Variants in ROBO1 observed in about 807,000 individuals in gnomAD.
ROBO1 encodes the protein roundabout homolog 1.
Under a neutral mutation model 195.9 loss-of-function variants are expected in ROBO1, and 149 were observed. The observed-to-expected ratio is 0.76, with a 90% CI of 0.67 to 0.87. The LOEUF (loss-of-function observed/expected upper bound fraction) is 0.87. Ranked by LOEUF, ROBO1 falls within the 40% of genes least tolerant of loss-of-function variation. ROBO1 has a pLI of 0.00. For synonymous variants in ROBO1, 816 were observed against 733.2 expected (o/e 1.11, Z -1.82); for missense variants, 1,933 against 2,068.3 (o/e 0.93, Z 1.27).
chr3:79,610,222 C>A (rs1313780840), intron 1 of ROBO1, among the ~76,000 whole-genome samples: 1 of 151,784 alleles, frequency 6.6e-6, no homozygotes, highest in African/African-American at 2.4e-5. Context: ...TAGTACTGAA[C>A]CTTAAATATG....
At chr3:78,645,728 A>G (rs1243491153) in intron 21 of ROBO1, among the ~76,000 whole-genome samples, 1 of 152,140 alleles carries the variant, frequency 6.6e-6, no homozygotes, top group African/African-American at 2.4e-5. Context: ...TGTTGAATTC[A>G]TAACAAGAAT....
rs1940791437 is a variant in ROBO1 at position 79,513,158 on chromosome 3, G to GAAGTGT, written c.88+76660_88+76665dup. Reference sequence around the variant, plus strand: ...CAAACAAACCAACAGTATATTTAATGAAGTGTAGGAAGCCATTTTTAACTG... The same window carrying GAAGTGT: ...CAAACAAACCAACAGTATATTTAATGAAGTGTAAGTGTAGGAAGCCATTTTTAACTG... On this transcript the variant is annotated intron_variant, in intron 2 of 30. Coordinates refer to ENST00000464233, the MANE Select transcript of ROBO1 (RefSeq NM_002941.4). 2.0e-5 allele frequency among the ~76,000 whole-genome samples: 3 copies of GAAGTGT among 152,220 alleles called. No individual in the cohort carries two copies. In the South Asian group the frequency reaches 6.2e-4, roughly 32 times the overall value.
rs181305103 is a variant in ROBO1, at chr3:79,346,979, A to T, written c.89-221440T>A. Among the ~76,000 whole-genome samples, 492 of 152,172 alleles carry T rather than the reference A, an allele frequency of 3.2e-3. 4 individuals carry two copies. Among genetic ancestry groups the T allele is most frequent in the Middle Eastern group, 0.01 (3 of 294 alleles). ...CACAGTCAAAATATTCAATTTAATG[A>T]TAACCTTTTTGGAGTTCATAATATG... is the stretch of plus-strand genomic sequence containing the variant. On this transcript the variant is annotated intron_variant, in intron 2 of 30. Coordinates refer to ENST00000464233, the MANE Select transcript of ROBO1 (RefSeq NM_002941.4).
Position 78,935,237 on chromosome 3 carries a change from C to A in ROBO1, c.499+3364G>T, listed in dbSNP as rs548534264. On this transcript the variant is annotated intron_variant, in intron 4 of 30. Coordinates refer to ENST00000464233, the MANE Select transcript of ROBO1 (RefSeq NM_002941.4). ...TACACTTTTAGGAAAAATAGTTCTT[C>A]TATGGTTTTGCTGCTAAGATAGCCA... 3.0e-4 allele frequency among the ~76,000 whole-genome samples: 46 copies of A among 152,096 alleles called. 1 individual carries two copies. The South Asian group carries it at 9.3e-3, about 31-fold the overall frequency.
At chr3:79,489,733 TACAG>T (rs1274035316) in intron 2 of ROBO1, among the ~76,000 whole-genome samples, 2 of 151,390 alleles carry the variant, frequency 1.3e-5, no homozygotes, top group Non-Finnish European at 2.9e-5. Flanking sequence ...ACAAACACCA[TACAG>T]ACAAACAAAA....
At chr3:79,199,266 A>G (rs984602493) in intron 2 of ROBO1, among the ~76,000 whole-genome samples, 1 of 151,840 alleles carries the variant, frequency 6.6e-6, no homozygotes, top group African/African-American at 2.4e-5. Context: ...AGATATTACA[A>G]CATGCTCAAA....
chr3:79,150,679 A>G (rs2080749315), intron 2 of ROBO1, among the ~76,000 whole-genome samples: 2 of 151,872 alleles, frequency 1.3e-5, no homozygotes, highest in Admixed American at 6.6e-5. Context: ...TAAAAAGTAA[A>G]GTATAAATAT....
At position 78,667,933 on chromosome 3, in the gene ROBO1, G is replaced by A. The variant is rs1271835237; in HGVS notation, c.1916C>T (p.Ala639Val). 4.3e-6 allele frequency: 7 copies of A among 1,613,732 alleles called. No homozygotes were observed. Among genetic ancestry groups the A allele is most frequent in the Non-Finnish European group, 5.9e-6 (7 of 1,179,750 alleles). ...IYLFLVRAAN[A>V]YGISDPSQIS... ...TTGGCTTGGATCACTAATTCCATATGCATTAGCTGCCCTCACAAGGAAAAG... is the reference window on the plus strand; with the variant it reads ...TTGGCTTGGATCACTAATTCCATATACATTAGCTGCCCTCACAAGGAAAAG... The change falls in exon 14 of 31, where the codon GCA (alanine) becomes GTA (valine). Residue 639 changes from alanine to valine, a missense_variant. Physicochemically the swap from Ala to Val is moderately conservative, Grantham distance 64. This residue lies in a region of ROBO1 where 1,737 missense variants were observed against 1,882.5 expected (regional missense o/e 0.92). Coordinates refer to ENST00000464233, the MANE Select transcript of ROBO1 (RefSeq NM_002941.4).
At chr3:79,527,345 A>T (rs908775806) in intron 2 of ROBO1, among the ~76,000 whole-genome samples, 2 of 152,190 alleles carry the variant, frequency 1.3e-5, no homozygotes, top group Non-Finnish European at 2.9e-5. Flanking sequence ...TTACTAGGAT[A>T]ACCCCAAATA....
chr3:78,714,609 A>G (rs2081854443), intron 7 of ROBO1, 85 bp from the exon 8 acceptor site: 6 of 1,225,656 alleles, frequency 4.9e-6, no homozygotes, highest in Non-Finnish European at 6.7e-6. Flanking sequence ...TTCAAAGCAC[A>G]TGCTACATTC....
At chr3:79,577,161 T>C (rs1943513817) in intron 2 of ROBO1, among the ~76,000 whole-genome samples, 1 of 152,200 alleles carries the variant, frequency 6.6e-6, no homozygotes, top group Non-Finnish European at 1.5e-5. Flanking sequence ...AAAATGTTAT[T>C]TGTAATGTTG....
chr3:79,612,657 G>C (rs1311003226), intron 1 of ROBO1, among the ~76,000 whole-genome samples: 4 of 144,318 alleles, frequency 2.8e-5, no homozygotes, highest in Non-Finnish European at 6.1e-5. Flanking sequence ...CAGTGTAAAA[G>C]TGTTCCTATT....
intron 3 of ROBO1, chr3:79,019,291 C>T: frequency 1.0e-6 from 1 of 985,788 alleles, no homozygotes; most frequent in Non-Finnish European, 1.2e-6. Flanking sequence ...ACCCCTGGCT[C>T]GTGGAAGCTG....
At chr3:78,683,196 G>A (rs1445290001) in intron 10 of ROBO1, among the ~76,000 whole-genome samples, 1 of 151,896 alleles carries the variant, frequency 6.6e-6, no homozygotes, top group Non-Finnish European at 1.5e-5. Context: ...ACCAAAATAT[G>A]TGCAAAGCCT....
At chr3:78,655,109 A>G (rs1199243453) in intron 18 of ROBO1, among the ~76,000 whole-genome samples, 1 of 151,954 alleles carries the variant, frequency 6.6e-6, no homozygotes, top group Non-Finnish European at 1.5e-5. Context: ...TTCTATATAT[A>G]ATCATTGGTT....
intron 2 of ROBO1, among the ~76,000 whole-genome samples, chr3:79,502,328 G>A (rs904128379): frequency 2.0e-5 from 3 of 152,160 alleles, no homozygotes. Context: ...GTGGGCGGGG[G>A]CTCGGCGAGC....
At chr3:79,232,824 T>G (rs1013536243) in intron 2 of ROBO1, among the ~76,000 whole-genome samples, 2 of 152,142 alleles carry the variant, frequency 1.3e-5, no homozygotes, top group East Asian at 3.8e-4. Context: ...TTCATTCTTT[T>G]GTAAAAAGTT....
At chr3:79,400,612 T>C (rs1464297668) in intron 2 of ROBO1, among the ~76,000 whole-genome samples, 2 of 152,116 alleles carry the variant, frequency 1.3e-5, no homozygotes, top group Non-Finnish European at 2.9e-5. Context: ...TTGAAGTCTG[T>C]GTATTAGAAT....
At chr3:79,102,631 G>A (rs1380537639) in intron 3 of ROBO1, among the ~76,000 whole-genome samples, 1 of 151,776 alleles carries the variant, frequency 6.6e-6, no homozygotes, top group African/African-American at 2.4e-5. Flanking sequence ...ATGGTTGGTT[G>A]ACAAAATAAT....
Sources: gnomAD v4.1 joint callset for allele counts (sites outside exome capture counted in the v4.1 genomes callset) on GRCh38, gnomAD v4.1.1 for gene constraint, gnomAD v4.1.1 regional missense constraint, MANE v1.5 for transcripts, NCBI Gene and HGNC (gene_info 2026-07-23, HGNC 2026-07-21) for gene names.